GPC6: variants seen among roughly 807,000 people sequenced by gnomAD.
GPC6 encodes the protein glypican 6, also known as glypican-6.
GPC6 carries 14 observed loss-of-function variants against 55.2 expected under a neutral mutation model. The observed-to-expected ratio is 0.25, with a 90% CI of 0.17 to 0.40. The LOEUF (loss-of-function observed/expected upper bound fraction) is 0.40, where lower values mean the gene tolerates loss of function less well. Among genes scored for constraint, GPC6 ranks in the 10% least tolerant of loss-of-function variants. The probability of loss-of-function intolerance (pLI) is 1.00; values close to 1 mark genes in which losing one functional copy is unlikely to be tolerated. For missense variants in GPC6, 641 were observed against 708.5 expected (o/e 0.90, Z 1.08); for synonymous variants, 278 against 259.6 (o/e 1.07, Z -0.68).
At chr13:94,266,097 A>T (rs745913970) in intron 4 of GPC6, among the ~76,000 whole-genome samples, 6 of 150,260 alleles carry the variant, frequency 4.0e-5, no homozygotes, top group Non-Finnish European at 8.9e-5. Flanking sequence ...TGCAGTTGTT[A>T]TACTTTTCCC....
intron 4 of GPC6, among the ~76,000 whole-genome samples, chr13:94,225,109 C>T (rs1308093761): frequency 6.6e-6 from 1 of 152,054 alleles, no homozygotes; most frequent in Admixed American, 6.6e-5. Context: ...GTAAGCTGAA[C>T]CAGTTGAGAT....
intron 4 of GPC6, among the ~76,000 whole-genome samples, chr13:94,102,651 T>A (rs1452680702): frequency 2.0e-5 from 3 of 152,138 alleles, no homozygotes; most frequent in Admixed American, 2.0e-4. Flanking sequence ...TATTTATACT[T>A]GCTTTGTGTG....
intron 3 of GPC6, among the ~76,000 whole-genome samples, chr13:94,015,427 A>C (rs1186345551): frequency 1.3e-5 from 2 of 152,166 alleles, no homozygotes; most frequent in Admixed American, 6.5e-5. Context: ...CTAGACTCTT[A>C]TCAGATATAT....
chr13:93,345,154 G>C (rs1003644753), intron 1 of GPC6, among the ~76,000 whole-genome samples: 1 of 152,208 alleles, frequency 6.6e-6, no homozygotes, highest in Non-Finnish European at 1.5e-5. Context: ...AGAACATCCT[G>C]TCTGGAGTCA....
intron 1 of GPC6, among the ~76,000 whole-genome samples, chr13:93,520,005 A>G (rs971580671): frequency 6.6e-6 from 1 of 151,974 alleles, no homozygotes; most frequent in African/African-American, 2.4e-5. Context: ...TTTCTTGCCT[A>G]TTCTAACATA....
chr13:93,710,667 A>G (rs1450904751), intron 2 of GPC6, among the ~76,000 whole-genome samples: 1 of 150,986 alleles, frequency 6.6e-6, no homozygotes, highest in African/African-American at 2.4e-5. Context: ...TGCCTTGTGT[A>G]AATTAATTTG....
intron 3 of GPC6, among the ~76,000 whole-genome samples, chr13:93,932,385 T>C (rs1179870255): frequency 6.6e-6 from 1 of 152,166 alleles, no homozygotes; most frequent in African/African-American, 2.4e-5. Context: ...AGAATCGCTA[T>C]TCTAGATTGA....
chr13:93,307,622 A>T (rs879321281), intron 1 of GPC6, among the ~76,000 whole-genome samples: 2 of 152,158 alleles, frequency 1.3e-5, no homozygotes, highest in Non-Finnish European at 2.9e-5. Context: ...GTTTACATAT[A>T]TGATTGAGGA....
At chr13:93,324,372 A>G (rs1380867670) in intron 1 of GPC6, among the ~76,000 whole-genome samples, 1 of 151,952 alleles carries the variant, frequency 6.6e-6, no homozygotes, top group Non-Finnish European at 1.5e-5. Context: ...AGTATTTGAT[A>G]GTAAAATAGG....
At chr13:93,396,108 G>A (rs1383867276) in intron 1 of GPC6, among the ~76,000 whole-genome samples, 4 of 152,006 alleles carry the variant, frequency 2.6e-5, no homozygotes, top group African/African-American at 7.3e-5. Context: ...CTCCCATCCC[G>A]AACTAAACAC....
Position 94,177,808 on chromosome 13 carries a change from A to G in GPC6, c.878-108541A>G, listed in dbSNP as rs548442350. 6.6e-5 allele frequency among the ~76,000 whole-genome samples: 10 copies of G among 152,296 alleles called. No individual in the cohort carries two copies. In the South Asian group the frequency reaches 1.9e-3, roughly 28 times the overall value. ...ATTTTTAAATAGGTCATAATTTCCA[A>G]TGACAAAACTAATAATAAACCACAT... On this transcript the variant is annotated intron_variant, in intron 4 of 8. Transcript: ENST00000377047.
chr13:94,031,105 CGTGCATGTGTGTGTGTGTGTGTGT>C, intron 4 of GPC6, among the ~76,000 whole-genome samples: 1 of 145,536 alleles, frequency 6.9e-6, no homozygotes, highest in Non-Finnish European at 1.5e-5. Context: ...TGTGTGTGTG[CGTGCATGTGTGTGTGTGTGTGTGT>C]TCTTCGAAAA....
At chr13:93,887,347 A>G (rs544155728) in intron 3 of GPC6, among the ~76,000 whole-genome samples, 1 of 152,188 alleles carries the variant, frequency 6.6e-6, no homozygotes, top group South Asian at 2.1e-4. Context: ...TAGCTTTGGA[A>G]CTTAAGTATA....
intron 3 of GPC6, among the ~76,000 whole-genome samples, chr13:93,923,350 C>T (rs1354823238): frequency 1.3e-5 from 2 of 152,192 alleles, no homozygotes; most frequent in African/African-American, 4.8e-5. Flanking sequence ...GTTTCCTCCT[C>T]ATATCCACCT....
At chr13:93,874,993 T>C (rs976570316) in intron 3 of GPC6, among the ~76,000 whole-genome samples, 8 of 152,022 alleles carry the variant, frequency 5.3e-5, no homozygotes, top group African/African-American at 1.9e-4. Context: ...TGCCACTGCA[T>C]CTCTTGCATA....
chr13:94,308,941 G>T (rs993240666), intron 6 of GPC6, among the ~76,000 whole-genome samples: 1 of 152,078 alleles, frequency 6.6e-6, no homozygotes, highest in Non-Finnish European at 1.5e-5. Flanking sequence ...GTTATCCTTG[G>T]CCAGACTCCA....
intron 1 of GPC6, among the ~76,000 whole-genome samples, chr13:93,228,772 C>T (rs893654005): frequency 9.9e-5 from 15 of 152,190 alleles, no homozygotes; most frequent in African/African-American, 3.4e-4. Flanking sequence ...TGAATTTCCA[C>T]CAGCCTCTGT....
chr13:93,619,645 A>G (rs1209175427), intron 2 of GPC6, among the ~76,000 whole-genome samples: 1 of 151,994 alleles, frequency 6.6e-6, no homozygotes, highest in Non-Finnish European at 1.5e-5. Context: ...GGAGAGATGG[A>G]GTCTCTTCAT....
In GPC6 at chr13:94,265,095, T is replaced by C. The variant is rs145275100; in HGVS notation, c.878-21254T>C. 6.0e-3 allele frequency among the ~76,000 whole-genome samples: 909 copies of C among 152,282 alleles called. 5 individuals carry two copies. Among genetic ancestry groups the C allele is most frequent in the Middle Eastern group, 0.014 (4 of 294 alleles). The stretch of plus-strand genomic sequence containing the variant: ...GGGGACACTGCCAGACCATATCAAC[T>C]TGTTACTTTAGGAAGATCCTAATGT... On this transcript the variant is annotated intron_variant, in intron 4 of 8. Transcript: ENST00000377047.
Sources: gnomAD v4.1 joint callset for allele counts (sites outside exome capture counted in the v4.1 genomes callset) on GRCh38, gnomAD v4.1.1 for gene constraint, MANE v1.5 for transcripts, NCBI Gene and HGNC (gene_info 2026-07-23, HGNC 2026-07-21) for gene names.